Variants in BRINP3 observed in about 807,000 individuals in gnomAD.
The protein encoded by BRINP3 is BMP/retinoic acid inducible neural specific 3, also known as BMP/retinoic acid-inducible neural-specific protein 3.
In BRINP3, 19 loss-of-function variants were observed where a neutral mutation model predicts 71.0. The ratio of observed to expected loss-of-function variants is 0.27; its 90% CI spans 0.19 to 0.39. BRINP3 has a LOEUF of 0.39. Among genes scored for constraint, BRINP3 ranks in the 10% least tolerant of loss-of-function variants. BRINP3 has a pLI of 1.00. For missense variants in BRINP3, 959 were observed against 940.8 expected, an observed-to-expected ratio of 1.02 and a Z score of -0.25; for synonymous variants, 380 against 337.7, an observed-to-expected ratio of 1.13 and a Z score of -1.37.
intron 2 of BRINP3, among the ~76,000 whole-genome samples, chr1:190,405,091 T>C (rs1672174031): frequency 6.6e-6 from 1 of 152,182 alleles, no homozygotes; most frequent in Admixed American, 6.5e-5. Context: ...TCATCCACAT[T>C]TTCTGAATCT....
intron 2 of BRINP3, among the ~76,000 whole-genome samples, chr1:190,316,089 C>T (rs775710032): frequency 2.7e-5 from 4 of 149,026 alleles, no homozygotes; most frequent in East Asian, 2.0e-4. Flanking sequence ...CTGTCAGCAA[C>T]GTGGGGCCCA....
intron 1 of BRINP3, among the ~76,000 whole-genome samples, chr1:190,462,933 T>C (rs1181230389): frequency 2.0e-5 from 3 of 152,140 alleles, no homozygotes; most frequent in East Asian, 3.9e-4. Flanking sequence ...TGGGTTTTCA[T>C]TGAGTGTTTG....
chr1:190,199,981 G>T (rs1214172245), intron 6 of BRINP3, among the ~76,000 whole-genome samples: 1 of 151,954 alleles, frequency 6.6e-6, no homozygotes, highest in Admixed American at 6.6e-5. Flanking sequence ...TTATGATACT[G>T]CAGTCCTGGT....
chr1:190,220,690 A>G (rs908783267), intron 6 of BRINP3, among the ~76,000 whole-genome samples: 5 of 152,134 alleles, frequency 3.3e-5, no homozygotes, highest in Admixed American at 2.0e-4. Flanking sequence ...CATCCTTAAA[A>G]CATGAAGGAG....
chr1:190,190,895 T>C (rs2102572324), intron 6 of BRINP3, among the ~76,000 whole-genome samples: 1 of 152,262 alleles, frequency 6.6e-6, no homozygotes, highest in African/African-American at 2.4e-5. Flanking sequence ...AATAGGATGG[T>C]ATGTCACAAT....
intron 6 of BRINP3, among the ~76,000 whole-genome samples, chr1:190,197,954 T>C (rs762307123): frequency 1.3e-5 from 2 of 152,084 alleles, no homozygotes; most frequent in African/African-American, 2.4e-5. Flanking sequence ...CCCTGCAGCA[T>C]ACCTCTAACC....
intron 2 of BRINP3, among the ~76,000 whole-genome samples, chr1:190,358,123 C>G (rs1668864589): frequency 6.6e-6 from 1 of 152,206 alleles, no homozygotes; most frequent in Non-Finnish European, 1.5e-5. Flanking sequence ...GTCTAAAACA[C>G]CAAAAGCAAT....
chr1:190,424,334 T>A (rs1395118141), intron 2 of BRINP3, among the ~76,000 whole-genome samples: 1 of 151,632 alleles, frequency 6.6e-6, no homozygotes, highest in South Asian at 2.1e-4. Flanking sequence ...ATTGCCCCTT[T>A]GTTGCCCCTC....
At chr1:190,200,981 A>T (rs569324953) in intron 6 of BRINP3, among the ~76,000 whole-genome samples, 1 of 152,236 alleles carries the variant, frequency 6.6e-6, no homozygotes, top group Admixed American at 6.5e-5. Flanking sequence ...AATTGGTACC[A>T]GTAGAGTGGG....
rs573063381 is a variant in BRINP3 at position 190,098,923 on chromosome 1, C to T, written c.1396G>A (p.Gly466Ser). 9 of 1,614,150 alleles carry T rather than the reference C, an allele frequency of 5.6e-6. No individual in the cohort carries two copies. The highest frequency in any genetic ancestry group is 2.2e-5 in the East Asian group (1 of 44,878). Residue 466 changes from glycine to serine, a missense_variant, in exon 8 of 8, where the codon GGC becomes AGC. Gly to Ser is a moderately conservative substitution (Grantham distance 56, BLOSUM62 0). Transcript: ENST00000367462. ...CAGAGCCCCTGGCTGAGCATGTAGCCGGTGTTGCAGGTGCCGCAGCGGGTG... is the reference window on the plus strand; with the variant it reads ...CAGAGCCCCTGGCTGAGCATGTAGCTGGTGTTGCAGGTGCCGCAGCGGGTG... ...NRTRCGTCNTGYMLSQGLCKP... is the reference protein window; with the variant it reads ...NRTRCGTCNTSYMLSQGLCKP...
intron 7 of BRINP3, among the ~76,000 whole-genome samples, chr1:190,142,628 T>C (rs942817185): frequency 6.6e-6 from 1 of 152,136 alleles, no homozygotes; most frequent in Non-Finnish European, 1.5e-5. Context: ...TTTCTTTTTT[T>C]CTTTTCTATA....
At chr1:190,220,683 C>G (rs116303266) in intron 6 of BRINP3, among the ~76,000 whole-genome samples, 2,281 of 151,914 alleles carry the variant, frequency 0.015, 72 homozygotes, top group African/African-American at 0.051. Context: ...GCAAAATCAT[C>G]CTTAAAACAT....
chr1:190,405,462 A>C (rs1159362458), intron 2 of BRINP3, among the ~76,000 whole-genome samples: 1 of 88,414 alleles, frequency 1.1e-5, no homozygotes, highest in East Asian at 3.2e-4. Flanking sequence ...AAAAAAAAAA[A>C]AAAAAAAAAA....
intron 6 of BRINP3, among the ~76,000 whole-genome samples, chr1:190,164,581 A>G (rs1047970145): frequency 6.6e-6 from 1 of 152,016 alleles, no homozygotes; most frequent in African/African-American, 2.4e-5. Flanking sequence ...TCTGTTTCAG[A>G]CATTGATTTT....
intron 2 of BRINP3, among the ~76,000 whole-genome samples, chr1:190,341,798 T>A (rs1448950883): frequency 6.6e-6 from 1 of 151,900 alleles, no homozygotes; most frequent in Admixed American, 6.6e-5. Flanking sequence ...TGTGTGACAT[T>A]ATCAGGAAGC....
At chr1:190,421,290 TC>T (rs1673361263) in intron 2 of BRINP3, among the ~76,000 whole-genome samples, 1 of 117,448 alleles carries the variant, frequency 8.5e-6, no homozygotes, top group Non-Finnish European at 1.8e-5. Flanking sequence ...AACAAGATTC[TC>T]ATTATTATTA....
At chr1:190,465,297 G>A (rs1238290234) in intron 1 of BRINP3, among the ~76,000 whole-genome samples, 1 of 151,840 alleles carries the variant, frequency 6.6e-6, no homozygotes, top group East Asian at 1.9e-4. Context: ...ATATTAGATT[G>A]GAAAATCTAA....
At chr1:190,397,192 G>A (rs1671635041) in intron 2 of BRINP3, among the ~76,000 whole-genome samples, 1 of 151,934 alleles carries the variant, frequency 6.6e-6, no homozygotes, top group South Asian at 2.1e-4. Flanking sequence ...TACCTACTTA[G>A]CAAGTGGGGA....
chr1:190,215,956 T>C (rs1656375853), intron 6 of BRINP3, among the ~76,000 whole-genome samples: 1 of 151,772 alleles, frequency 6.6e-6, no homozygotes, highest in African/African-American at 2.4e-5. Flanking sequence ...TCCTTAGGAT[T>C]ATTAATTGCA....
Sources: gnomAD v4.1 joint callset for allele counts (sites outside exome capture counted in the v4.1 genomes callset) on GRCh38, gnomAD v4.1.1 for gene constraint, MANE v1.5 for transcripts, NCBI Gene and HGNC (gene_info 2026-07-23, HGNC 2026-07-21) for gene names.